CMTR2: variants seen among roughly 807,000 people sequenced by gnomAD.
CMTR2 encodes the protein cap-specific mRNA (nucleoside-2'-O-)-methyltransferase 2.
A neutral mutation model predicts 49.8 loss-of-function variants in CMTR2; 40 were observed. That is an observed-to-expected ratio of 0.80 (90% confidence interval 0.62 to 1.04). The LOEUF (loss-of-function observed/expected upper bound fraction) is 1.04. Among genes scored for constraint, CMTR2 ranks in the 50% least tolerant of loss-of-function variants. The pLI is 0.00. For missense variants in CMTR2, 907 were observed against 897.2 expected (o/e 1.01, Z -0.14); for synonymous variants, 326 against 315.8 (o/e 1.03, Z -0.34).
In CMTR2 at chr16:71,283,123, G is replaced by T. The variant is rs576065766; in HGVS notation, c.*485C>A. The T allele has an allele frequency of 2.0e-5, 3 of 153,722 alleles. No individual in the cohort carries two copies. Among genetic ancestry groups the T allele is most frequent in the African/African-American group, 7.2e-5 (3 of 41,416 alleles). The allele number at this position is 153,722 out of a possible 1,614,324, so 9.5% of individuals were successfully genotyped here. On this transcript the variant is annotated 3_prime_UTR_variant, in exon 3 of 3. Coordinates refer to ENST00000434935, the MANE Select transcript of CMTR2 (RefSeq NM_018348.6). ...TGTGTTAACGGAAATCAGTGTTGCT[G>T]AACAGTGATTTACTCATTTCCTTTC...
chr16:71,285,435 C>T lies in CMTR2; in HGVS notation c.486G>A (p.Arg162=), dbSNP rs2041705691. The change falls in exon 3 of 3, where the codon CGG becomes CGA. Residue 162 remains arginine, a synonymous_variant. Transcript: ENST00000434935. ...ASLNHYLKSH[R]FPCHWSWVAN... ...CTACCCAACTCCAATGACAAGGAAACCGATGGGATTTTAAGTAGTGGTTGA... is the reference window on the plus strand; with the variant it reads ...CTACCCAACTCCAATGACAAGGAAATCGATGGGATTTTAAGTAGTGGTTGA... 1 of 1,613,964 alleles carries T rather than the reference C, an allele frequency of 6.2e-7. No individual in the cohort carries two copies. Among genetic ancestry groups the T allele is most frequent in the Non-Finnish European group, 8.5e-7 (1 of 1,179,980 alleles).
rs1284481603 is a variant in CMTR2 at position 71,283,844 on chromosome 16, C to G, written c.2077G>C (p.Asp693His). The G allele has an allele frequency of 1.2e-6, 2 of 1,613,796 alleles. No homozygotes were observed. The highest frequency in any genetic ancestry group is 2.7e-5 in the African/African-American group (2 of 74,900). ...CAVLLCVGYQ[D>H]LPNPVFRYLQ... ...TATCGGAAAACTGGATTTGGAAGGT[C>G]CTGATAACCAACACATAGCAGGACT... is the stretch of plus-strand genomic sequence containing the variant. The change falls in exon 3 of 3, where the codon GAC becomes CAC. Residue 693 changes from aspartate to histidine, a missense_variant. Asp to His is a moderately conservative substitution (Grantham distance 81, BLOSUM62 -1). Transcript: ENST00000434935.
At position 71,283,414 on chromosome 16, in the gene CMTR2, G is replaced by A; in HGVS notation, c.*194C>T. On this transcript the variant is annotated 3_prime_UTR_variant, in exon 3 of 3. Transcript: ENST00000434935. ...ATCATTGCATAGATTCCACCACGTG[G>A]AAGAGCTCTATGCCTGTGGGTGTAT... 6.5e-6 allele frequency: 4 copies of A among 619,604 alleles called. No homozygotes were observed. The highest frequency in any genetic ancestry group is 1.1e-5 in the Non-Finnish European group (4 of 361,450). The allele number at this position is 619,604 out of a possible 1,614,324, so 38.4% of individuals were successfully genotyped here.
In CMTR2 at chr16:71,283,342, G is replaced by A; in HGVS notation, c.*266C>T. 2 of 391,812 alleles carry A rather than the reference G, an allele frequency of 5.1e-6. No homozygotes were observed. The highest frequency in any genetic ancestry group is 4.6e-6 in the Non-Finnish European group (1 of 219,694). The allele number at this position is 391,812 out of a possible 1,614,324, so 24.3% of individuals were successfully genotyped here. On this transcript the variant is annotated 3_prime_UTR_variant, in exon 3 of 3. Coordinates refer to ENST00000434935, the MANE Select transcript of CMTR2 (RefSeq NM_018348.6). Reference sequence around the variant, plus strand: ...AATGGCATAGGTAAGCATGGCTGTGGCCACCCATACACATACACACACCTC... The same window carrying A: ...AATGGCATAGGTAAGCATGGCTGTGACCACCCATACACATACACACACCTC...
chr16:71,285,954 C>T lies in CMTR2; in HGVS notation c.-19-15G>A, dbSNP rs2144851329. On this transcript the variant is annotated splice_polypyrimidine_tract_variant and intron_variant, in intron 2 of 2. Transcript: ENST00000434935. ...CAAATTAAAATCTAGGAAGAGAAAACACATAATTAAATGAATCAAATTTAT... is the reference window on the plus strand; with the variant it reads ...CAAATTAAAATCTAGGAAGAGAAAATACATAATTAAATGAATCAAATTTAT... The T allele has an allele frequency of 6.6e-7, 1 of 1,520,538 alleles. No homozygotes were observed. Among genetic ancestry groups the T allele is most frequent in the South Asian group, 1.3e-5 (1 of 75,618 alleles). The allele number at this position is 1,520,538 out of a possible 1,614,324, so 94.2% of individuals were successfully genotyped here.
In CMTR2 at chr16:71,282,788, A is replaced by T. The variant is rs2041632416; in HGVS notation, c.*820T>A. The T allele has an allele frequency of 6.6e-6, 1 of 152,560 alleles. No individual in the cohort carries two copies. The highest frequency in any genetic ancestry group is 2.1e-4 in the South Asian group (1 of 4,830). 9.5% of individuals were successfully genotyped at this position (152,560 alleles called of 1,614,324 possible). A position where few individuals can be genotyped will look rare whatever the true frequency, so the allele number is the denominator to read the frequency against. On this transcript the variant is annotated 3_prime_UTR_variant, in exon 3 of 3. Coordinates refer to ENST00000434935, the MANE Select transcript of CMTR2 (RefSeq NM_018348.6). ...GACTAAACACTATCTCAAAATCTTA[A>T]AAAATCTTTCCATTCACAGATTATT...
In CMTR2 at chr16:71,282,979, T is replaced by C. The variant is rs945012838; in HGVS notation, c.*629A>G. On this transcript the variant is annotated 3_prime_UTR_variant, in exon 3 of 3. Coordinates refer to ENST00000434935, the MANE Select transcript of CMTR2 (RefSeq NM_018348.6). ...GATGGTGTGGTCAGTAAAAGATTCA[T>C]ACAACAGCATACTAGTTTTATTTGA... 6.6e-6 allele frequency: 1 copy of C among 152,626 alleles called. No homozygotes were observed. Among genetic ancestry groups the C allele is most frequent in the African/African-American group, 2.4e-5 (1 of 41,444 alleles). The allele number at this position is 152,626 out of a possible 1,614,324, so 9.5% of individuals were successfully genotyped here. A position where few individuals can be genotyped will look rare whatever the true frequency, so the allele number is the denominator to read the frequency against.
chr16:71,284,161 G>C lies in CMTR2; in HGVS notation c.1760C>G (p.Thr587Ser). The C allele has an allele frequency of 6.2e-7, 1 of 1,613,898 alleles. No individual in the cohort carries two copies. The highest frequency in any genetic ancestry group is 8.5e-7 in the Non-Finnish European group (1 of 1,179,894). The change falls in exon 3 of 3, where the codon ACT becomes AGT. Residue 587 changes from threonine (T) to serine (S), a missense_variant. By Grantham distance (58) the Thr-to-Ser change is moderately conservative (BLOSUM62 1). Coordinates refer to ENST00000434935, the MANE Select transcript of CMTR2 (RefSeq NM_018348.6). ...TATATGCATTTTGATATTACGGAGA[G>C]TCGAAAAGCCCACCAGCAGGCACTT... ...QIKCLLVGFS[T>S]LRNIKMHIPL...
In CMTR2 at chr16:71,283,293, A is replaced by G. The variant is rs2041642093; in HGVS notation, c.*315T>C. ...ACAAAGGTACACAGATGCAAATCTT[A>G]AGCAGATTAAGTAAGACCAACTAAA... On this transcript the variant is annotated 3_prime_UTR_variant, in exon 3 of 3. Coordinates refer to ENST00000434935, the MANE Select transcript of CMTR2 (RefSeq NM_018348.6). 3.9e-6 allele frequency: 1 copy of G among 255,978 alleles called. No homozygotes were observed. The highest frequency in any genetic ancestry group is 7.4e-6 in the Non-Finnish European group (1 of 135,578). The allele number at this position is 255,978 out of a possible 1,614,324, so 15.9% of individuals were successfully genotyped here. A position where few individuals can be genotyped will look rare whatever the true frequency, so the allele number is the denominator to read the frequency against.
Position 71,283,538 on chromosome 16 carries a change from T to A in CMTR2, c.*70A>T. The A allele has an allele frequency of 6.6e-7, 1 of 1,506,420 alleles. No homozygotes were observed. The highest frequency in any genetic ancestry group is 2.3e-5 in the East Asian group (1 of 44,070). 93.3% of individuals were successfully genotyped at this position (1,506,420 alleles called of 1,614,324 possible). ...CCAAAATAAAAGGTTTTTAAATTAA[T>A]AGAGCAACAGGATGCAAATACTGGG... On this transcript the variant is annotated 3_prime_UTR_variant, in exon 3 of 3. Transcript: ENST00000434935.
chr16:71,286,011 G>C lies in CMTR2; in HGVS notation c.-19-72C>G, dbSNP rs1019670545. The C allele has an allele frequency of 2.7e-6, 3 of 1,106,258 alleles. No homozygotes were observed. The Middle Eastern group carries it at 6.2e-4, about 227-fold the overall frequency. 68.5% of individuals were successfully genotyped at this position (1,106,258 alleles called of 1,614,324 possible). A position where few individuals can be genotyped will look rare whatever the true frequency, so the allele number is the denominator to read the frequency against. ...GCGAAATCTCATGAGCAGCAAATACGATCACACTCATGACAAACTCCATAA... is the reference window on the plus strand; with the variant it reads ...GCGAAATCTCATGAGCAGCAAATACCATCACACTCATGACAAACTCCATAA... On this transcript the variant is annotated intron_variant, in intron 2 of 2. Coordinates refer to ENST00000434935, the MANE Select transcript of CMTR2 (RefSeq NM_018348.6).
At position 71,283,330 on chromosome 16, in the gene CMTR2, A is replaced by T; in HGVS notation, c.*278T>A. 1 of 368,140 alleles carries T rather than the reference A, an allele frequency of 2.7e-6. No homozygotes were observed. The highest frequency in any genetic ancestry group is 6.0e-5 in the South Asian group (1 of 16,552). The allele number at this position is 368,140 out of a possible 1,614,324, so 22.8% of individuals were successfully genotyped here. A position where few individuals can be genotyped will look rare whatever the true frequency, so the allele number is the denominator to read the frequency against. Reference sequence around the variant, plus strand: ...TAAGACCAACTAAATGGCATAGGTAAGCATGGCTGTGGCCACCCATACACA... The same window carrying T: ...TAAGACCAACTAAATGGCATAGGTATGCATGGCTGTGGCCACCCATACACA... On this transcript the variant is annotated 3_prime_UTR_variant, in exon 3 of 3. Coordinates refer to ENST00000434935, the MANE Select transcript of CMTR2 (RefSeq NM_018348.6).
chr16:71,288,804 A>T (rs1450145185), intron 2 of CMTR2, 74 bp downstream of exon 2: 4 of 152,240 alleles, frequency 2.6e-5, no homozygotes, highest in African/African-American at 9.6e-5. Flanking sequence ...AAACTCAAGT[A>T]GGCAGTTATG....
chr16:71,284,498 G>A lies in CMTR2; in HGVS notation c.1423C>T (p.His475Tyr). The change falls in exon 3 of 3, where the codon CAT becomes TAT. Residue 475 changes from histidine (H) to tyrosine (Y), a missense_variant. His to Tyr is a moderately conservative substitution (Grantham distance 83). Transcript: ENST00000434935. ...TCTAAAATAGAACTCTGCCCAGGAT[G>A]ATATACACCATGTTCTTCAGCCCAA... ...NSWAEEHGVY[H>Y]PGQSSILEGT... 6.2e-7 allele frequency: 1 copy of A among 1,613,886 alleles called. No individual in the cohort carries two copies. Among genetic ancestry groups the A allele is most frequent in the Non-Finnish European group, 8.5e-7 (1 of 1,179,942 alleles).
rs1782462619 is a variant in CMTR2, at chr16:71,283,335, G to A, written c.*273C>T. 1 of 379,718 alleles carries A rather than the reference G, an allele frequency of 2.6e-6. No homozygotes were observed. The highest frequency in any genetic ancestry group is 2.1e-5 in the African/African-American group (1 of 48,022). 23.5% of individuals were successfully genotyped at this position (379,718 alleles called of 1,614,324 possible). ...CCAACTAAATGGCATAGGTAAGCAT[G>A]GCTGTGGCCACCCATACACATACAC... On this transcript the variant is annotated 3_prime_UTR_variant, in exon 3 of 3. Transcript: ENST00000434935.
In CMTR2 at chr16:71,283,641, TTCTC is replaced by T. The variant is rs759239036; in HGVS notation, c.2276_2279del (p.Arg759LysfsTer25). The T allele has an allele frequency of 3.8e-5, 62 of 1,612,032 alleles. No homozygotes were observed. Among genetic ancestry groups the T allele is most frequent in the African/African-American group, 8.0e-5 (6 of 74,912 alleles). ...GTAACTGAAGGCTGTTGATAATTTC[TTCTC>T]TCTCTCTTTGAATAATGAAATGCAA... On this transcript the variant is annotated frameshift_variant, in exon 3 of 3. Transcript: ENST00000434935. LOFTEE classifies it high-confidence loss of function.
rs753705505 is a variant in CMTR2 at position 71,285,266 on chromosome 16, G to A, written c.655C>T (p.Leu219Phe). ...DIMTLKFLTG[L>F]QNFISSMATV... is the part of the protein sequence containing the mutation. ...GCCATGCTGCTTATGAAATTCTGAA[G>A]TCCAGTCAAGAATTTCAGGGTCATG... Residue 219 changes from leucine (L) to phenylalanine (F), a missense_variant, in exon 3 of 3, where the codon CTT becomes TTT. Transcript: ENST00000434935. 12 of 1,614,014 alleles carry A rather than the reference G, an allele frequency of 7.4e-6. No homozygotes were observed. Among genetic ancestry groups the A allele is most frequent in the Non-Finnish European group, 1.0e-5 (12 of 1,179,884 alleles).
chr16:71,285,154 TA>T lies in CMTR2; in HGVS notation c.766del (p.Tyr256ThrfsTer8), dbSNP rs1437811112. 6.2e-7 allele frequency: 1 copy of T among 1,614,034 alleles called. No individual in the cohort carries two copies. Among genetic ancestry groups the T allele is most frequent in the Non-Finnish European group, 8.5e-7 (1 of 1,179,982 alleles). On this transcript the variant is annotated frameshift_variant, in exon 3 of 3. Transcript: ENST00000434935. LOFTEE classifies it high-confidence loss of function. Reference sequence around the variant, plus strand: ...GGTCAGAGCAGTGACAACTTCACAGTAATGCAAAGAAGAAACTAAAGCTTCT... The same window carrying T: ...GGTCAGAGCAGTGACAACTTCACAGTATGCAAAGAAGAAACTAAAGCTTCT... The part of the protein sequence containing the change: ...EQEALVSSLH[Y>X]CEVVTALTTL...
chr16:71,285,084 C>T lies in CMTR2; in HGVS notation c.837G>A (p.Met279Ile), dbSNP rs2041694490. 6.2e-7 allele frequency: 1 copy of T among 1,613,898 alleles called. No individual in the cohort carries two copies. The highest frequency in any genetic ancestry group is 8.5e-7 in the Non-Finnish European group (1 of 1,179,908). Residue 279 changes from methionine to isoleucine, a missense_variant, in exon 3 of 3, where the codon ATG becomes ATA. Transcript: ENST00000434935. ...GGSFVLKMFT[M>I]FEHCSINLMY... ...TCAAGTTTATGGAACAATGTTCAAA[C>T]ATAGTAAACATCTTTAGAACAAAAG...
Sources: gnomAD v4.1 joint callset for allele counts on GRCh38, gnomAD v4.1.1 for gene constraint, MANE v1.5 for transcripts, NCBI Gene and HGNC (gene_info 2026-07-23, HGNC 2026-07-21) for gene names.